Variants in MRNIP observed in about 807,000 individuals in gnomAD.
The protein encoded by MRNIP is MRN complex interacting protein.
Under a neutral mutation model 29.8 loss-of-function variants are expected in MRNIP, and 30 were observed. The ratio of observed to expected loss-of-function variants is 1.01; its 90% CI spans 0.75 to 1.36. MRNIP has a LOEUF of 1.36. Ranked by LOEUF, MRNIP falls within the 40% of genes most tolerant of loss-of-function variation. The pLI, the probability that MRNIP is intolerant of heterozygous loss-of-function variation, is 0.00. For synonymous variants in MRNIP, 201 were observed against 164.1 expected, an observed-to-expected ratio of 1.23 and a Z score of -1.72; for missense variants, 459 against 423.5, an observed-to-expected ratio of 1.08 and a Z score of -0.74.
chr5:179,840,612 G>A, intron 6 of MRNIP: 1 of 569,186 alleles, frequency 1.8e-6, no homozygotes, highest in Non-Finnish European at 3.1e-6. Flanking sequence ...TGACCTGCTG[G>A]CCAACCTCAG....
At chr5:179,853,818 A>AG (rs1759474341) in intron 1 of MRNIP, among the ~76,000 whole-genome samples, 1 of 148,036 alleles carries the variant, frequency 6.8e-6, no homozygotes, top group Admixed American at 6.8e-5. Flanking sequence ...TGGATCTGAA[A>AG]TTTTTTTTTT....
chr5:179,851,489 G>A (rs1002053826), intron 2 of MRNIP: 1 of 446,272 alleles, frequency 2.2e-6, no homozygotes, highest in African/African-American at 2.0e-5. Context: ...GAAGCTGGGT[G>A]ATGGGCAGGA....
At chr5:179,856,955 T>C (rs1274725072) in intron 1 of MRNIP, among the ~76,000 whole-genome samples, 2 of 152,112 alleles carry the variant, frequency 1.3e-5, no homozygotes, top group Non-Finnish European at 2.9e-5. Context: ...CTGGGGATGG[T>C]GGCCCACACC....
At chr5:179,857,201 C>T (rs1759623942) in intron 1 of MRNIP, among the ~76,000 whole-genome samples, 1 of 152,098 alleles carries the variant, frequency 6.6e-6, no homozygotes, top group Admixed American at 6.6e-5. Context: ...GTAACACCAG[C>T]ACTGTAATCC....
intron 1 of MRNIP, among the ~76,000 whole-genome samples, chr5:179,858,525 C>T (rs2113583914): frequency 6.6e-6 from 1 of 152,370 alleles, no homozygotes; most frequent in Middle Eastern, 3.4e-3. Context: ...TCCGCAGAAC[C>T]ATTACCTCTG....
chr5:179,841,126 C>G, intron 5 of MRNIP, 167 bp from the exon 6 acceptor site: 1 of 585,864 alleles, frequency 1.7e-6, no homozygotes, highest in East Asian at 2.9e-5. Context: ...CACTCCCCTG[C>G]TTCACAGCTT....
At chr5:179,856,009 A>G (rs918872745) in intron 1 of MRNIP, among the ~76,000 whole-genome samples, 1 of 150,378 alleles carries the variant, frequency 6.6e-6, no homozygotes, top group Non-Finnish European at 1.5e-5. Context: ...CCTGGATTCA[A>G]GTGATTCTCC....
chr5:179,844,730 T>C (rs748821790), intron 3 of MRNIP, among the ~76,000 whole-genome samples: 5 of 152,194 alleles, frequency 3.3e-5, no homozygotes, highest in Non-Finnish European at 7.3e-5. Flanking sequence ...CAGCTGGTAT[T>C]TGATTTTAAA....
intron 3 of MRNIP, 95 bp downstream of exon 3, chr5:179,847,883 A>G (rs1411201817): frequency 1.2e-6 from 1 of 857,498 alleles, no homozygotes; most frequent in African/African-American, 1.7e-5. Context: ...CAGCCACAGC[A>G]GAGTGCCCAG....
chr5:179,847,809 G>A, intron 3 of MRNIP, 169 bp downstream of exon 3: 1 of 586,658 alleles, frequency 1.7e-6, no homozygotes, highest in African/African-American at 1.9e-5. Context: ...CATCCCCGGG[G>A]TCGGTTCTGA....
chr5:179,850,323 G>A (rs139815300), intron 2 of MRNIP, among the ~76,000 whole-genome samples: 30 of 152,344 alleles, frequency 2.0e-4, no homozygotes, highest in African/African-American at 6.7e-4. Flanking sequence ...CCGCTCTGCT[G>A]TCGCCATCTT....
intron 2 of MRNIP, among the ~76,000 whole-genome samples, chr5:179,850,008 T>A: frequency 6.6e-6 from 1 of 150,990 alleles, no homozygotes; most frequent in Non-Finnish European, 1.5e-5. Flanking sequence ...GAGACGGAAT[T>A]TGAGGGCTCA....
intron 4 of MRNIP, among the ~76,000 whole-genome samples, chr5:179,843,049 G>GGAAGGAAGGAAGGAAA (rs1758972296): frequency 1.8e-5 from 2 of 108,886 alleles, no homozygotes; most frequent in Non-Finnish European, 3.8e-5. Flanking sequence ...AAAGAAGGAA[G>GGAAGGAAGGAAGGAAA]GAAGGAAGGA....
At chr5:179,839,839 A>G (rs1205879642) in intron 6 of MRNIP, 2 of 152,406 alleles carry the variant, frequency 1.3e-5, no homozygotes, top group Non-Finnish European at 2.9e-5. Flanking sequence ...AAGCTTCAAG[A>G]ACAAGACAAA....
In MRNIP at chr5:179,837,731, T is replaced by C. The variant is rs10277; in HGVS notation, c.692A>G (p.Gln231Arg). ...QVTATSSKWA[Q>R]FVLPPRKSSH... The stretch of plus-strand genomic sequence containing the variant: ...ACTTTTTCTAGGTGGCAGGACAAAT[T>C]GCGCCCATTTAGAGGATGTGGCTGT... Residue 231 changes from glutamine (Q) to arginine (R), a missense_variant, in exon 7 of 7, where the codon CAA (glutamine) becomes CGA (arginine). Gln to Arg is a conservative substitution (Grantham distance 43). Coordinates refer to ENST00000292586, the MANE Select transcript of MRNIP (RefSeq NM_016175.4). 0.57 allele frequency: 927,204 copies of C among 1,614,018 alleles called. 271,582 individuals are homozygous for C. Among genetic ancestry groups the C allele is most frequent in the East Asian group, 0.79 (35,348 of 44,874 alleles).
At position 179,844,162 on chromosome 5, in the gene MRNIP, A is replaced by C. The variant is rs1209637897; in HGVS notation, c.281T>G (p.Val94Gly). 6.2e-7 allele frequency: 1 copy of C among 1,614,104 alleles called. No individual in the cohort carries two copies. The highest frequency in any genetic ancestry group is 1.7e-4 in the Middle Eastern group (1 of 6,052). ...ENVGHQQAGNVKQQEKSQPSE... is the reference protein window; with the variant it reads ...ENVGHQQAGNGKQQEKSQPSE... ...GGGCCTGAGGCTTACCTGCTGCTTCACATTCCCAGCCTGCTGGTGTCCCAC... is the reference window on the plus strand; with the variant it reads ...GGGCCTGAGGCTTACCTGCTGCTTCCCATTCCCAGCCTGCTGGTGTCCCAC... Residue 94 changes from valine to glycine, a missense_variant, in exon 4 of 7, where the codon GTG becomes GGG. Physicochemically the swap from Val to Gly is moderately radical, Grantham distance 109 (BLOSUM62 -3). Transcript: ENST00000292586.
In MRNIP at chr5:179,858,631, G is replaced by C. The variant is rs538672468; in HGVS notation, c.66+100C>G. 1.6e-5 allele frequency: 12 copies of C among 753,546 alleles called. No homozygotes were observed. The African/African-American group carries it at 1.8e-4, about 11-fold the overall frequency. The allele number at this position is 753,546 out of a possible 1,614,324, so 46.7% of individuals were successfully genotyped here. On this transcript the variant is annotated intron_variant, in intron 1 of 6. Coordinates refer to ENST00000292586, the MANE Select transcript of MRNIP (RefSeq NM_016175.4). ...CGGTCCCTGCACTCCTTCGGGCCCG[G>C]TGCATCCCGGAGCCATTCGAGACAA...
intron 4 of MRNIP, among the ~76,000 whole-genome samples, 187 bp from the exon 5 acceptor site, chr5:179,842,251 A>G (rs754758272): frequency 6.6e-6 from 1 of 152,188 alleles, no homozygotes; most frequent in Non-Finnish European, 1.5e-5. Context: ...GCTCACTGGC[A>G]CAGGCCTCGG....
intron 4 of MRNIP, among the ~76,000 whole-genome samples, 160 bp from the exon 5 acceptor site, chr5:179,842,224 A>G (rs909467533): frequency 2.0e-5 from 3 of 152,080 alleles, no homozygotes; most frequent in Non-Finnish European, 2.9e-5. Context: ...AATACTATGC[A>G]ATGCTGGCAG....
Sources: allele counts gnomAD v4.1 joint callset (sites outside exome capture counted in the v4.1 genomes callset), GRCh38; gene constraint gnomAD v4.1.1; transcripts MANE v1.5; gene names NCBI Gene and HGNC (gene_info 2026-07-23, HGNC 2026-07-21).